Variants in HS6ST3 observed in about 807,000 individuals in gnomAD.
The protein encoded by HS6ST3 is heparan sulfate 6-O-sulfotransferase 3.
A neutral mutation model predicts 36.7 loss-of-function variants in HS6ST3; 12 were observed. The ratio of observed to expected loss-of-function variants is 0.33; its 90% CI spans 0.21 to 0.53. The LOEUF (loss-of-function observed/expected upper bound fraction) is 0.53, where lower values mean the gene tolerates loss of function less well. Ranked by LOEUF, HS6ST3 falls within the 20% of genes least tolerant of loss-of-function variation. The probability of loss-of-function intolerance (pLI) is 0.95; values close to 1 mark genes in which losing one functional copy is unlikely to be tolerated. For synonymous variants in HS6ST3, 240 were observed against 257.5 expected, an observed-to-expected ratio of 0.93 and a Z score of 0.65; for missense variants, 584 against 640.9, an observed-to-expected ratio of 0.91 and a Z score of 0.96.
chr13:96,142,737 T>C (rs776544158), intron 1 of HS6ST3, among the ~76,000 whole-genome samples: 1 of 152,184 alleles, frequency 6.6e-6, no homozygotes, highest in Non-Finnish European at 1.5e-5. Flanking sequence ...AACAATGGTG[T>C]ATCATGAATA....
chr13:96,652,586 T>C (rs2056611250), intron 1 of HS6ST3, among the ~76,000 whole-genome samples: 1 of 152,148 alleles, frequency 6.6e-6, no homozygotes, highest in Non-Finnish European at 1.5e-5. Flanking sequence ...GAATTGTTGA[T>C]ATACAGCCCT....
At chr13:96,373,748 C>T (rs377688730) in intron 1 of HS6ST3, among the ~76,000 whole-genome samples, 1 of 152,136 alleles carries the variant, frequency 6.6e-6, no homozygotes, top group South Asian at 2.1e-4. Context: ...CATGGCTGCT[C>T]TCATCAATTT....
intron 1 of HS6ST3, among the ~76,000 whole-genome samples, chr13:96,482,559 T>C (rs1170210415): frequency 6.6e-6 from 1 of 151,972 alleles, no homozygotes; most frequent in Non-Finnish European, 1.5e-5. Context: ...TAGAAGCCCA[T>C]AATGATCAAA....
intron 1 of HS6ST3, among the ~76,000 whole-genome samples, chr13:96,184,200 C>CAAAAA (rs796944357): frequency 4.2e-5 from 3 of 71,274 alleles, no homozygotes; most frequent in East Asian, 4.4e-4. Context: ...ACTCTGTCTC[C>CAAAAA]AAAAAAAAAA....
intron 1 of HS6ST3, among the ~76,000 whole-genome samples, chr13:96,398,107 T>C (rs2055431333): frequency 6.6e-6 from 1 of 152,136 alleles, no homozygotes; most frequent in South Asian, 2.1e-4. Context: ...AATAACCCTA[T>C]CTTATAGGGT....
intron 1 of HS6ST3, among the ~76,000 whole-genome samples, chr13:96,374,427 C>G (rs1023435254): frequency 1.3e-5 from 2 of 152,056 alleles, no homozygotes; most frequent in East Asian, 1.9e-4. Flanking sequence ...TGGGATTTCC[C>G]ATTCTCTGTG....
intron 1 of HS6ST3, among the ~76,000 whole-genome samples, chr13:96,721,928 AG>A (rs1446470796): frequency 6.6e-6 from 1 of 152,180 alleles, no homozygotes; most frequent in Non-Finnish European, 1.5e-5. Context: ...CGGGGTTTTC[AG>A]AGATTGGGGA....
chr13:96,213,015 T>C (rs988246543), intron 1 of HS6ST3, among the ~76,000 whole-genome samples: 7 of 152,252 alleles, frequency 4.6e-5, no homozygotes, highest in African/African-American at 1.7e-4. Context: ...TTGATTTTTC[T>C]ATACTGACAG....
At chr13:96,178,392 A>G (rs1025886998) in intron 1 of HS6ST3, among the ~76,000 whole-genome samples, 4 of 152,130 alleles carry the variant, frequency 2.6e-5, no homozygotes, top group Non-Finnish European at 4.4e-5. Flanking sequence ...AAACTGGCCA[A>G]CTTCACTTGA....
chr13:96,464,495 T>A (rs2055802466), intron 1 of HS6ST3, among the ~76,000 whole-genome samples: 1 of 152,150 alleles, frequency 6.6e-6, no homozygotes, highest in Non-Finnish European at 1.5e-5. Flanking sequence ...ACTTTCAATG[T>A]ATATCCTAGA....
chr13:96,611,997 AG>A (rs2056458655), intron 1 of HS6ST3, among the ~76,000 whole-genome samples: 1 of 151,630 alleles, frequency 6.6e-6, no homozygotes, highest in Non-Finnish European at 1.5e-5. Flanking sequence ...GTAGACAGTT[AG>A]GGGGCTGACT....
intron 1 of HS6ST3, among the ~76,000 whole-genome samples, chr13:96,278,437 G>A (rs1028446879): frequency 2.6e-5 from 4 of 152,104 alleles, no homozygotes; most frequent in Non-Finnish European, 5.9e-5. Context: ...TTAAAGAAGG[G>A]TTCAGCAAAA....
Position 96,567,405 on chromosome 13 carries a change from G to A in HS6ST3, c.708-265085G>A, listed in dbSNP as rs563206992. ...TTCTGAAGGTGTGCAAACTTGATTG[G>A]CATCAGACTTCCCATCAGCAACATT... On this transcript the variant is annotated intron_variant, in intron 1 of 1. Coordinates refer to ENST00000376705, the MANE Select transcript of HS6ST3 (RefSeq NM_153456.4). Among the ~76,000 whole-genome samples the A allele has an allele frequency of 2.6e-5, 4 of 152,196 alleles. No homozygotes were observed. The South Asian group carries it at 8.3e-4, about 32-fold the overall frequency.
intron 1 of HS6ST3, among the ~76,000 whole-genome samples, chr13:96,215,577 T>G (rs748991339): frequency 6.6e-6 from 1 of 152,244 alleles, no homozygotes; most frequent in Non-Finnish European, 1.5e-5. Flanking sequence ...AAATTTTGTT[T>G]TTAAGTCTAA....
chr13:96,343,011 A>G (rs527574503), intron 1 of HS6ST3, among the ~76,000 whole-genome samples: 13 of 152,208 alleles, frequency 8.5e-5, no homozygotes, highest in Non-Finnish European at 1.8e-4. Context: ...GGGTCTTGGC[A>G]TAACAGCCAA....
At chr13:96,665,008 C>CA (rs939016266) in intron 1 of HS6ST3, among the ~76,000 whole-genome samples, 3 of 151,930 alleles carry the variant, frequency 2.0e-5, no homozygotes. Flanking sequence ...CGCGTCTCTA[C>CA]AAAAAATACA....
chr13:96,364,880 A>G (rs1445786115), intron 1 of HS6ST3, among the ~76,000 whole-genome samples: 1 of 152,198 alleles, frequency 6.6e-6, no homozygotes, highest in Non-Finnish European at 1.5e-5. Flanking sequence ...ACACAGGATT[A>G]TGTCAGACCT....
At chr13:96,778,564 G>GA (rs1413833266) in intron 1 of HS6ST3, among the ~76,000 whole-genome samples, 1 of 151,842 alleles carries the variant, frequency 6.6e-6, no homozygotes, top group Non-Finnish European at 1.5e-5. Context: ...ACAAACATTT[G>GA]AAAAAAAATC....
Position 96,825,011 on chromosome 13 carries a change from G to A in HS6ST3, c.708-7479G>A, listed in dbSNP as rs191689221. 2.0e-5 allele frequency among the ~76,000 whole-genome samples: 3 copies of A among 152,272 alleles called. No homozygotes were observed. In the East Asian group the frequency reaches 5.8e-4, roughly 29 times the overall value. On this transcript the variant is annotated intron_variant, in intron 1 of 1. Coordinates refer to ENST00000376705, the MANE Select transcript of HS6ST3 (RefSeq NM_153456.4). ...AAAGATAGTGCATGAGGGGATCTCT[G>A]GTTTTGTGGGGCAATGGGGGAGAAA... is the stretch of plus-strand genomic sequence containing the variant.
Sources: allele counts gnomAD v4.1 joint callset (sites outside exome capture counted in the v4.1 genomes callset), GRCh38; gene constraint gnomAD v4.1.1; transcripts MANE v1.5; gene names NCBI Gene and HGNC (gene_info 2026-07-23, HGNC 2026-07-21).